APBA2: variants seen among roughly 807,000 people sequenced by gnomAD.
APBA2 encodes the protein amyloid beta precursor protein binding family A member 2, also known as amyloid-beta A4 precursor protein-binding family A member 2.
In APBA2, 30 loss-of-function variants were observed where a neutral mutation model predicts 75.0. The observed-to-expected ratio is 0.40, with a 90% confidence interval of 0.30 to 0.54. The LOEUF is 0.54. Among genes scored for constraint, APBA2 ranks in the 20% least tolerant of loss-of-function variants. APBA2 has a pLI of 0.49. For missense variants in APBA2, 801 were observed against 1,016.1 expected (o/e 0.79, Z 2.88); for synonymous variants, 444 against 409.6 (o/e 1.08, Z -1.01).
chr15:29,041,436 T>G (rs1380073298), intron 3 of APBA2, among the ~76,000 whole-genome samples: 1 of 151,560 alleles, frequency 6.6e-6, no homozygotes, highest in East Asian at 1.9e-4. Context: ...TGAGCCATAT[T>G]TGTGCCACTT....
At position 29,106,663 on chromosome 15, in the gene APBA2, C is replaced by G. The variant is rs1438423899; in HGVS notation, c.1761C>G (p.Gly587=). 6.2e-7 allele frequency: 1 copy of G among 1,612,976 alleles called. No individual in the cohort carries two copies. The highest frequency in any genetic ancestry group is 8.5e-7 in the Non-Finnish European group (1 of 1,180,016). ...EILGVVVVES[G]WGSILPTVIL... ...TGGGCGTGGTGGTGGTGGAGTCGGGCTGGGGCTCCATCCTGCCCACGGTGA... is the reference window on the plus strand; with the variant it reads ...TGGGCGTGGTGGTGGTGGAGTCGGGGTGGGGCTCCATCCTGCCCACGGTGA... Residue 587 remains glycine (G), a synonymous_variant, in exon 12 of 15, where the codon GGC becomes GGG. Coordinates refer to ENST00000683413, the MANE Select transcript of APBA2 (RefSeq NM_001353788.2).
intron 3 of APBA2, among the ~76,000 whole-genome samples, chr15:28,997,109 T>C (rs10775229): frequency 0.12 from 18,266 of 152,248 alleles, 1,551 homozygotes; most frequent in East Asian, 0.27. Flanking sequence ...CCACTCACCA[T>C]CCCTGTTCTG....
At chr15:29,010,479 C>CG (rs886715811) in intron 3 of APBA2, among the ~76,000 whole-genome samples, 1 of 152,096 alleles carries the variant, frequency 6.6e-6, no homozygotes, top group African/African-American at 2.4e-5. Context: ...AGGATAGTCT[C>CG]GATCTCCTGA....
chr15:29,085,203 G>A (rs946819457), intron 6 of APBA2, among the ~76,000 whole-genome samples: 4 of 152,130 alleles, frequency 2.6e-5, no homozygotes, highest in African/African-American at 9.7e-5. Context: ...TTAAATGCTT[G>A]ATTTCTTCTC....
intron 1 of APBA2, among the ~76,000 whole-genome samples, chr15:28,914,601 C>T (rs2033580674): frequency 1.3e-5 from 2 of 152,046 alleles, no homozygotes; most frequent in Non-Finnish European, 2.9e-5. Flanking sequence ...TGCTGCCCCG[C>T]TCAGCTGCAC....
chr15:28,996,931 G>A (rs1009909266), intron 3 of APBA2, among the ~76,000 whole-genome samples: 4 of 152,180 alleles, frequency 2.6e-5, no homozygotes, highest in Admixed American at 6.5e-5. Context: ...GGGTGAGGAC[G>A]GGATTCTGGA....
intron 3 of APBA2, chr15:29,044,386 T>C (rs1566939840): frequency 6.6e-6 from 1 of 152,232 alleles, no homozygotes; most frequent in Non-Finnish European, 1.5e-5. Context: ...ATAGAATTAA[T>C]TGAGTCTGGA....
intron 13 of APBA2, 141 bp from the exon 14 acceptor site, chr15:29,113,735 T>A: frequency 9.6e-7 from 1 of 1,040,572 alleles, no homozygotes; most frequent in Middle Eastern, 2.9e-4. Flanking sequence ...TAAGGATCTC[T>A]GTCTGTGAGT....
intron 1 of APBA2, among the ~76,000 whole-genome samples, 151 bp downstream of exon 1, chr15:28,886,429 G>C (rs1477926699): frequency 1.3e-5 from 2 of 151,222 alleles, no homozygotes; most frequent in Non-Finnish European, 1.5e-5. Flanking sequence ...GCGTGGCTGC[G>C]GGGCGGCCGC....
chr15:29,003,208 C>G (rs555018035), intron 3 of APBA2, among the ~76,000 whole-genome samples: 1 of 152,016 alleles, frequency 6.6e-6, no homozygotes, highest in Non-Finnish European at 1.5e-5. Context: ...GGTGGAGGCC[C>G]GTGCACCAGA....
At chr15:29,111,205 G>C (rs975269461) in intron 13 of APBA2, among the ~76,000 whole-genome samples, 3 of 152,006 alleles carry the variant, frequency 2.0e-5, no homozygotes, top group Admixed American at 1.3e-4. Context: ...TGATGGAGGG[G>C]GCCAAGCGTC....
At chr15:28,951,063 A>C (rs1298974168) in intron 2 of APBA2, among the ~76,000 whole-genome samples, 1 of 152,184 alleles carries the variant, frequency 6.6e-6, no homozygotes, top group African/African-American at 2.4e-5. Flanking sequence ...TAGATGGGAA[A>C]TATCTGGGAG....
At chr15:28,947,413 G>A (rs995076307) in intron 2 of APBA2, among the ~76,000 whole-genome samples, 61 of 152,300 alleles carry the variant, frequency 4.0e-4, no homozygotes, top group African/African-American at 1.4e-3. Flanking sequence ...GAGGCTGTGC[G>A]TTCTCTCGGC....
At chr15:28,962,207 C>A (rs2036510421) in intron 2 of APBA2, among the ~76,000 whole-genome samples, 1 of 152,018 alleles carries the variant, frequency 6.6e-6, no homozygotes, top group Non-Finnish European at 1.5e-5. Context: ...GACCTTCTGA[C>A]CTGATTCTAG....
chr15:28,968,323 A>G (rs971148541), intron 2 of APBA2, among the ~76,000 whole-genome samples: 1 of 152,226 alleles, frequency 6.6e-6, no homozygotes, highest in African/African-American at 2.4e-5. Flanking sequence ...GGATTGCTGA[A>G]TGATGTGGTA....
chr15:28,959,970 G>A (rs1364213594), intron 2 of APBA2, among the ~76,000 whole-genome samples: 3 of 151,924 alleles, frequency 2.0e-5, no homozygotes, highest in Non-Finnish European at 2.9e-5. Context: ...ATGGTGAAAC[G>A]CCATCTCTAC....
Position 29,068,732 on chromosome 15 carries a change from G to A in APBA2, c.952-6189G>A, listed in dbSNP as rs2042486985. 3.9e-5 allele frequency among the ~76,000 whole-genome samples: 6 copies of A among 152,344 alleles called. No homozygotes were observed. The South Asian group carries it at 1.2e-3, about 32-fold the overall frequency. ...CACTTTGCCTGGGTGTCAGTCACTG[G>A]AGGGTTAGCTCAGTACAAGCTGGCG... is the stretch of plus-strand genomic sequence containing the variant. On this transcript the variant is annotated intron_variant, in intron 4 of 14. Coordinates refer to ENST00000683413, the MANE Select transcript of APBA2 (RefSeq NM_001353788.2).
chr15:28,898,091 G>A (rs2032619983), intron 1 of APBA2, among the ~76,000 whole-genome samples: 1 of 152,276 alleles, frequency 6.6e-6, no homozygotes, highest in East Asian at 1.9e-4. Context: ...ACAGGGCCAG[G>A]TAAAGGATTC....
chr15:29,080,594 A>G (rs1470529284), intron 6 of APBA2, among the ~76,000 whole-genome samples: 1 of 152,174 alleles, frequency 6.6e-6, no homozygotes, highest in Non-Finnish European at 1.5e-5. Context: ...TGCGGATTGC[A>G]CAGAGGATGC....
Sources: gnomAD v4.1 joint callset for allele counts (sites outside exome capture counted in the v4.1 genomes callset) on GRCh38, gnomAD v4.1.1 for gene constraint, MANE v1.5 for transcripts, NCBI Gene and HGNC (gene_info 2026-07-23, HGNC 2026-07-21) for gene names.